Variants in UBE2E2 observed in about 807,000 individuals in gnomAD.
UBE2E2 encodes ubiquitin-conjugating enzyme E2 E2.
In UBE2E2, 6 loss-of-function variants were observed where a neutral mutation model predicts 24.7. The observed-to-expected ratio is 0.24, with a 90% CI of 0.13 to 0.48. UBE2E2 has a LOEUF of 0.48. UBE2E2 is among the 20% of genes least tolerant of loss of function. UBE2E2 has a pLI of 0.99. For synonymous variants in UBE2E2, 104 were observed against 83.6 expected, an observed-to-expected ratio of 1.24 and a Z score of -1.33; for missense variants, 169 against 245.0, an observed-to-expected ratio of 0.69 and a Z score of 2.07.
chr3:23,291,897 G>C (rs6550751), intron 3 of UBE2E2, among the ~76,000 whole-genome samples: 97,542 of 132,496 alleles, frequency 0.74, 35,996 homozygotes, highest in African/African-American at 0.83. Flanking sequence ...CTCGCTCTTT[G>C]GCCCAGGCCA....
At chr3:23,241,253 C>G (rs1697251432) in intron 3 of UBE2E2, among the ~76,000 whole-genome samples, 1 of 152,194 alleles carries the variant, frequency 6.6e-6, no homozygotes, top group Admixed American at 6.5e-5. Context: ...CCCACTTTCT[C>G]CATTGTTACT....
intron 3 of UBE2E2, among the ~76,000 whole-genome samples, chr3:23,312,870 A>G (rs1412348837): frequency 6.6e-6 from 1 of 152,100 alleles, no homozygotes; most frequent in Admixed American, 6.5e-5. Flanking sequence ...TCAGGAGCAT[A>G]TTGTTTAATT....
At chr3:23,582,499 G>A (rs779325782) in intron 5 of UBE2E2, among the ~76,000 whole-genome samples, 5 of 152,110 alleles carry the variant, frequency 3.3e-5, no homozygotes, top group Non-Finnish European at 7.4e-5. Context: ...AGTGGTTTGT[G>A]GAAACGCTTT....
At chr3:23,263,959 G>T (rs1371541712) in intron 3 of UBE2E2, among the ~76,000 whole-genome samples, 1 of 152,014 alleles carries the variant, frequency 6.6e-6, no homozygotes, top group African/African-American at 2.4e-5. Context: ...TTTGTACTTC[G>T]TTTCATTCTA....
chr3:23,380,086 T>TAA (rs10559253), intron 3 of UBE2E2, among the ~76,000 whole-genome samples: 41,634 of 135,830 alleles, frequency 0.31, 6,526 homozygotes, highest in East Asian at 0.43. Context: ...TTGATTACTG[T>TAA]AAAAAAAAAA....
intron 3 of UBE2E2, among the ~76,000 whole-genome samples, chr3:23,427,778 C>T (rs1268210960): frequency 6.6e-6 from 1 of 152,152 alleles, no homozygotes; most frequent in Non-Finnish European, 1.5e-5. Flanking sequence ...ATATTAATTT[C>T]ACAAATAGAA....
rs553047101 is a variant in UBE2E2, at chr3:23,359,262, A to G, written c.228-140346A>G. ...GGAATGGCAGAGTGCTGGTCCTGTC[A>G]TCTTTATTGCTAACATCTCCTTTGA... On this transcript the variant is annotated intron_variant, in intron 3 of 5. Transcript: ENST00000396703. Among the ~76,000 whole-genome samples, 16 of 152,290 alleles carry G rather than the reference A, an allele frequency of 1.1e-4. No individual in the cohort carries two copies. In the South Asian group the frequency reaches 3.1e-3, roughly 30 times the overall value.
At chr3:23,587,642 G>C (rs933885025) in intron 5 of UBE2E2, among the ~76,000 whole-genome samples, 1 of 152,174 alleles carries the variant, frequency 6.6e-6, no homozygotes, top group African/African-American at 2.4e-5. Context: ...ATGTGACTCA[G>C]ATTTCACTTT....
At chr3:23,269,172 G>A (rs1449746697) in intron 3 of UBE2E2, among the ~76,000 whole-genome samples, 1 of 152,128 alleles carries the variant, frequency 6.6e-6, no homozygotes, top group Non-Finnish European at 1.5e-5. Flanking sequence ...AACACCAAAA[G>A]CATGGCAACA....
intron 3 of UBE2E2, among the ~76,000 whole-genome samples, chr3:23,401,678 A>G (rs1435534807): frequency 6.6e-6 from 1 of 151,926 alleles, no homozygotes; most frequent in African/African-American, 2.4e-5. Flanking sequence ...TTATATATAC[A>G]TATGTATAAA....
upstream of UBE2E2, chr3:23,203,206 C>T: frequency 1.0e-6 from 1 of 986,640 alleles, no homozygotes; most frequent in Non-Finnish European, 1.2e-6. Flanking sequence ...CCGCGGGCAG[C>T]AGCCTCAGGA....
At chr3:23,270,464 G>A (rs1698208660) in intron 3 of UBE2E2, among the ~76,000 whole-genome samples, 1 of 152,142 alleles carries the variant, frequency 6.6e-6, no homozygotes, top group Non-Finnish European at 1.5e-5. Context: ...AAGGCTTGGA[G>A]TTAGGGGAAA....
At chr3:23,517,474 G>A (rs180901759) in intron 4 of UBE2E2, among the ~76,000 whole-genome samples, 152 of 152,144 alleles carry the variant, frequency 1.0e-3, no homozygotes, top group East Asian at 3.9e-3. Context: ...AGAAGCTCTC[G>A]ATCAATTGTC....
intron 3 of UBE2E2, among the ~76,000 whole-genome samples, chr3:23,295,845 T>C (rs1467074255): frequency 2.0e-5 from 3 of 152,186 alleles, no homozygotes; most frequent in Non-Finnish European, 4.4e-5. Flanking sequence ...TATATATTGT[T>C]GGGTAGTGCC....
chr3:23,494,165 G>A (rs1699555852), intron 3 of UBE2E2, among the ~76,000 whole-genome samples: 1 of 152,128 alleles, frequency 6.6e-6, no homozygotes, highest in Non-Finnish European at 1.5e-5. Flanking sequence ...TGTTCAGCTT[G>A]AGAGATAAGT....
intron 3 of UBE2E2, among the ~76,000 whole-genome samples, chr3:23,272,313 A>G (rs1698265752): frequency 8.0e-6 from 1 of 125,764 alleles, no homozygotes; most frequent in Admixed American, 1.1e-4. Context: ...GGGCCTGCCA[A>G]GCCCACGCCC....
intron 3 of UBE2E2, among the ~76,000 whole-genome samples, chr3:23,336,287 A>G (rs1272271659): frequency 1.3e-5 from 2 of 152,202 alleles, no homozygotes; most frequent in Non-Finnish European, 2.9e-5. Flanking sequence ...AATGAATTAT[A>G]GTCCTTATCA....
intron 3 of UBE2E2, among the ~76,000 whole-genome samples, chr3:23,235,621 T>A (rs1353904684): frequency 1.3e-5 from 2 of 152,064 alleles, no homozygotes; most frequent in African/African-American, 4.8e-5. Flanking sequence ...TGTTATAGAT[T>A]ATGGCAGTAG....
At chr3:23,492,790 C>T (rs953994393) in intron 3 of UBE2E2, among the ~76,000 whole-genome samples, 2 of 152,008 alleles carry the variant, frequency 1.3e-5, no homozygotes, top group African/African-American at 4.8e-5. Flanking sequence ...CTCCCAATAA[C>T]CTCCCAACTT....
Sources: gnomAD v4.1 joint callset for allele counts (sites outside exome capture counted in the v4.1 genomes callset) on GRCh38, gnomAD v4.1.1 for gene constraint, MANE v1.5 for transcripts, NCBI Gene and HGNC (gene_info 2026-07-23, HGNC 2026-07-21) for gene names.